The following THADA variants were observed in gnomAD, a reference collection of about 807,000 sequenced individuals.
THADA encodes tRNA (32-2'-O)-methyltransferase regulator THADA.
In THADA, 213 loss-of-function variants were observed where a neutral mutation model predicts 219.8. The observed-to-expected ratio is 0.97, with a 90% confidence interval of 0.87 to 1.09. The LOEUF is 1.09. Ranked by LOEUF, THADA falls within the 50% of genes least tolerant of loss-of-function variation. The pLI, the probability that THADA is intolerant of heterozygous loss-of-function variation, is 0.00. For missense variants in THADA, 2,956 were observed against 2,311.3 expected (o/e 1.28, Z -5.72); for synonymous variants, 1,018 against 828.9 (o/e 1.23, Z -3.92).
intron 30 of THADA, among the ~76,000 whole-genome samples, chr2:43,321,377 C>T (rs1678694707): frequency 6.6e-6 from 1 of 152,148 alleles, no homozygotes; most frequent in Non-Finnish European, 1.5e-5. Flanking sequence ...AAAATGGGAA[C>T]TGTATTATCA....
intron 26 of THADA, among the ~76,000 whole-genome samples, chr2:43,447,926 C>A (rs950560741): frequency 1.3e-5 from 2 of 152,050 alleles, no homozygotes; most frequent in Non-Finnish European, 2.9e-5. Context: ...TATATATATT[C>A]CTAAATAAAA....
intron 31 of THADA, among the ~76,000 whole-genome samples, chr2:43,311,510 C>G (rs903931431): frequency 3.9e-5 from 6 of 152,200 alleles, no homozygotes; most frequent in Admixed American, 3.3e-4. Context: ...CATTCCACTT[C>G]TAGGTAAATA....
intron 4 of THADA, among the ~76,000 whole-genome samples, chr2:43,587,866 A>G (rs1419093156): frequency 6.6e-6 from 1 of 152,198 alleles, no homozygotes; most frequent in Non-Finnish European, 1.5e-5. Flanking sequence ...AATTTATCAA[A>G]TGAGTAAATT....
intron 26 of THADA, among the ~76,000 whole-genome samples, chr2:43,457,133 TAC>T (rs35803641): frequency 0.17 from 21,005 of 125,170 alleles, 1,593 homozygotes; most frequent in Admixed American, 0.2. Flanking sequence ...TTAGGATATC[TAC>T]ACACACACAC....
intron 28 of THADA, among the ~76,000 whole-genome samples, chr2:43,402,403 TGAGGAACCAAGAA>T (rs898943618): frequency 2.6e-5 from 4 of 152,160 alleles, no homozygotes; most frequent in African/African-American, 9.7e-5. Flanking sequence ...ACTTAACACT[TGAGGAACCAAGAA>T]GAGTTCAGAA....
intron 29 of THADA, among the ~76,000 whole-genome samples, chr2:43,377,191 AAATTGTTTAG>A (rs1265503063): frequency 6.6e-6 from 1 of 152,170 alleles, no homozygotes; most frequent in Non-Finnish European, 1.5e-5. Context: ...GCAAAATTAT[AAATTGTTTAG>A]AATTGTTTAG....
intron 22 of THADA, among the ~76,000 whole-genome samples, chr2:43,523,108 G>A (rs183035083): frequency 1.3e-5 from 2 of 152,232 alleles, no homozygotes; most frequent in South Asian, 2.1e-4. Context: ...GCTCATGTCC[G>A]TAATCCCAGC....
intron 29 of THADA, among the ~76,000 whole-genome samples, chr2:43,374,041 G>C (rs976748108): frequency 6.6e-6 from 1 of 152,086 alleles, no homozygotes; most frequent in Non-Finnish European, 1.5e-5. Flanking sequence ...ACATTTCATT[G>C]ATCCTTACTA....
At chr2:43,281,499 T>C (rs967172759) in intron 35 of THADA, among the ~76,000 whole-genome samples, 5 of 149,012 alleles carry the variant, frequency 3.4e-5, no homozygotes, top group African/African-American at 1.2e-4. Flanking sequence ...TGGAGTGCAA[T>C]GGGGCAATCT....
At chr2:43,558,379 A>T (rs1221844401) in intron 16 of THADA, among the ~76,000 whole-genome samples, 11 of 152,232 alleles carry the variant, frequency 7.2e-5, no homozygotes, top group Middle Eastern at 3.2e-3. Flanking sequence ...GTGATGGTTA[A>T]TACTGAGTGT....
At chr2:43,427,991 T>C (rs1001188675) in intron 28 of THADA, 109 bp downstream of exon 28, 9 of 454,466 alleles carry the variant, frequency 2.0e-5, no homozygotes, top group Non-Finnish European at 2.4e-5. Flanking sequence ...TATATATATA[T>C]AAAATATATA....
intron 23 of THADA, among the ~76,000 whole-genome samples, 158 bp downstream of exon 23, chr2:43,508,490 C>T (rs898151688): frequency 1.3e-5 from 2 of 152,108 alleles, no homozygotes; most frequent in African/African-American, 4.8e-5. Flanking sequence ...CAGGAACACA[C>T]CATCCCCACA....
intron 21 of THADA, among the ~76,000 whole-genome samples, chr2:43,530,201 TC>T (rs1360727003): frequency 6.6e-6 from 1 of 152,190 alleles, no homozygotes; most frequent in Admixed American, 6.5e-5. Context: ...CAGGTCATGT[TC>T]TTCAGTTAGT....
intron 21 of THADA, among the ~76,000 whole-genome samples, chr2:43,533,246 C>G (rs537404863): frequency 6.6e-6 from 1 of 152,262 alleles, no homozygotes; most frequent in African/African-American, 2.4e-5. Context: ...ACAACAGATG[C>G]TGGAGAGGAT....
chr2:43,303,554 T>C (rs1048485596), intron 31 of THADA, among the ~76,000 whole-genome samples: 12 of 148,820 alleles, frequency 8.1e-5, no homozygotes, highest in African/African-American at 3.0e-4. Flanking sequence ...GCTACTCATA[T>C]AGGTTTGTTA....
chr2:43,275,398 G>C (rs1039709402), intron 36 of THADA, among the ~76,000 whole-genome samples: 2 of 152,202 alleles, frequency 1.3e-5, no homozygotes, highest in Admixed American at 1.3e-4. Context: ...GAAAGAGCAA[G>C]AAAGGGGGAG....
At chr2:43,412,315 C>T (rs929564000) in intron 28 of THADA, among the ~76,000 whole-genome samples, 1 of 152,042 alleles carries the variant, frequency 6.6e-6, no homozygotes, top group Non-Finnish European at 1.5e-5. Flanking sequence ...TCAGTCATGC[C>T]AAGTGCATAA....
chr2:43,462,543 T>C (rs910244563), intron 26 of THADA, among the ~76,000 whole-genome samples: 1 of 152,188 alleles, frequency 6.6e-6, no homozygotes, highest in Admixed American at 6.5e-5. Context: ...TTCAGATTCC[T>C]AGAGAAAAGT....
intron 22 of THADA, among the ~76,000 whole-genome samples, chr2:43,517,752 A>T (rs555988275): frequency 8.5e-5 from 13 of 152,140 alleles, no homozygotes; most frequent in Non-Finnish European, 1.6e-4. Context: ...TGTGTGTACC[A>T]TTTCCAAGAT....
Sources: allele counts gnomAD v4.1 joint callset (sites outside exome capture counted in the v4.1 genomes callset), GRCh38; gene constraint gnomAD v4.1.1; transcripts MANE v1.5; gene names NCBI Gene and HGNC (gene_info 2026-07-23, HGNC 2026-07-21).